Variants in SP4 observed in about 807,000 individuals in gnomAD.
The protein encoded by SP4 is transcription factor Sp4.
SP4 carries 19 observed loss-of-function variants against 72.8 expected under a neutral mutation model. The ratio of observed to expected loss-of-function variants is 0.26; its 90% confidence interval spans 0.18 to 0.38. The LOEUF (loss-of-function observed/expected upper bound fraction) is 0.38, where lower values mean the gene tolerates loss of function less well. Among genes scored for constraint, SP4 ranks in the 10% least tolerant of loss-of-function variants. The pLI, the probability that SP4 is intolerant of heterozygous loss-of-function variation, is 1.00. For synonymous variants in SP4, 395 were observed against 333.1 expected (o/e 1.19, Z -2.02); for missense variants, 1,008 against 926.3 (o/e 1.09, Z -1.14).
At chr7:21,428,857 T>C in intron 2 of SP4, 65 bp downstream of exon 2, 1 of 1,215,458 alleles carries the variant, frequency 8.2e-7, no homozygotes, top group Non-Finnish European at 1.2e-6. Flanking sequence ...GTTATGCCCT[T>C]TGAATGTCCA....
chr7:21,468,818 A>G (rs907463622), intron 3 of SP4, among the ~76,000 whole-genome samples: 3 of 152,122 alleles, frequency 2.0e-5, no homozygotes, highest in Non-Finnish European at 2.9e-5. Flanking sequence ...CACTTCTATT[A>G]GAAACTACAG....
At chr7:21,431,605 A>C (rs1239629986) in intron 3 of SP4, among the ~76,000 whole-genome samples, 2 of 152,240 alleles carry the variant, frequency 1.3e-5, no homozygotes, top group African/African-American at 4.8e-5. Flanking sequence ...GTTATTTTTA[A>C]ACCTATTGTA....
chr7:21,461,147 G>A (rs948257099), intron 3 of SP4, among the ~76,000 whole-genome samples: 4 of 152,232 alleles, frequency 2.6e-5, no homozygotes, highest in Admixed American at 6.5e-5. Context: ...AGTGGATTTC[G>A]CACCAGGGCT....
At chr7:21,458,227 C>G (rs1421737060) in intron 3 of SP4, among the ~76,000 whole-genome samples, 2 of 152,170 alleles carry the variant, frequency 1.3e-5, no homozygotes, top group African/African-American at 4.8e-5. Flanking sequence ...GAGTCTCACT[C>G]TGTTGCCCAG....
At chr7:21,435,308 T>C (rs1469959180) in intron 3 of SP4, among the ~76,000 whole-genome samples, 3 of 152,194 alleles carry the variant, frequency 2.0e-5, no homozygotes, top group Non-Finnish European at 4.4e-5. Flanking sequence ...CTAATTTCTT[T>C]ACTTCTCCAA....
At chr7:21,483,551 A>G (rs1275470097) in intron 5 of SP4, among the ~76,000 whole-genome samples, 1 of 151,912 alleles carries the variant, frequency 6.6e-6, no homozygotes, top group Non-Finnish European at 1.5e-5. Context: ...ATGGAATGAA[A>G]TGAGAATACA....
In SP4 at chr7:21,428,203, C is replaced by CCCCCCCACA; in HGVS notation, c.-49_-48insCCCCCCACA. 8.2e-7 allele frequency: 1 copy of CCCCCCCACA among 1,216,714 alleles called. No individual in the cohort carries two copies. The highest frequency in any genetic ancestry group is 2.8e-5 in the East Asian group (1 of 35,136). 75.4% of individuals were successfully genotyped at this position (1,216,714 alleles called of 1,614,324 possible). A position where few individuals can be genotyped will look rare whatever the true frequency, so the allele number is the denominator to read the frequency against. The stretch of plus-strand genomic sequence containing the variant: ...CTCCCGCCTCGCCCCCACCCCCACC[C>CCCCCCCACA]ACCTCTATCCCAGTGTCTCCGTCTG... On this transcript the variant is annotated 5_prime_UTR_variant, in exon 1 of 6. Transcript: ENST00000222584.
chr7:21,487,803 G>A (rs971281846), intron 5 of SP4, among the ~76,000 whole-genome samples: 8 of 151,880 alleles, frequency 5.3e-5, no homozygotes, highest in South Asian at 4.2e-4. Context: ...TGGTGGTCAT[G>A]GTGGTGATTT....
intron 5 of SP4, among the ~76,000 whole-genome samples, chr7:21,501,923 C>G (rs187037527): frequency 1.3e-5 from 2 of 151,678 alleles, no homozygotes; most frequent in Non-Finnish European, 2.9e-5. Flanking sequence ...ATCGATGAAT[C>G]TCTGTTGATT....
chr7:21,432,118 G>A (rs1437930372), intron 3 of SP4, among the ~76,000 whole-genome samples: 2 of 152,204 alleles, frequency 1.3e-5, no homozygotes, highest in Non-Finnish European at 2.9e-5. Context: ...AGTTAAATGT[G>A]TGTGGGGCAA....
At chr7:21,503,269 T>A (rs952151501) in intron 5 of SP4, among the ~76,000 whole-genome samples, 1 of 152,166 alleles carries the variant, frequency 6.6e-6, no homozygotes, top group African/African-American at 2.4e-5. Context: ...ATCCTTGGTT[T>A]CCATAGCCGG....
At chr7:21,436,945 G>A (rs1387457654) in intron 3 of SP4, among the ~76,000 whole-genome samples, 3 of 152,130 alleles carry the variant, frequency 2.0e-5, no homozygotes, top group Non-Finnish European at 4.4e-5. Flanking sequence ...CAAAGTGAGG[G>A]CTAGAATCTT....
At chr7:21,507,254 C>T (rs1336991040) in intron 5 of SP4, among the ~76,000 whole-genome samples, 6 of 152,188 alleles carry the variant, frequency 3.9e-5, no homozygotes, top group South Asian at 4.1e-4. Flanking sequence ...CTCTCCCTGT[C>T]CCATGGGAAC....
At chr7:21,505,253 C>A (rs1285137470) in intron 5 of SP4, among the ~76,000 whole-genome samples, 1 of 152,198 alleles carries the variant, frequency 6.6e-6, no homozygotes, top group Non-Finnish European at 1.5e-5. Flanking sequence ...TTATTCTTCA[C>A]ATCCCTTCAC....
At chr7:21,501,191 T>A (rs142099366) in intron 5 of SP4, among the ~76,000 whole-genome samples, 2 of 152,182 alleles carry the variant, frequency 1.3e-5, no homozygotes, top group African/African-American at 4.8e-5. Context: ...TCTTCGCTTT[T>A]ATGGGCTGAC....
chr7:21,446,294 A>G (rs1360000220), intron 3 of SP4, among the ~76,000 whole-genome samples: 1 of 152,216 alleles, frequency 6.6e-6, no homozygotes, highest in Non-Finnish European at 1.5e-5. Context: ...GTTGAAATCA[A>G]AGTACTTAGA....
intron 3 of SP4, among the ~76,000 whole-genome samples, chr7:21,433,203 G>A (rs148642588): frequency 6.6e-6 from 1 of 152,268 alleles, no homozygotes; most frequent in African/African-American, 2.4e-5. Context: ...AATAGGTGTG[G>A]TTATTCCTTC....
At chr7:21,441,828 CT>C (rs1438585166) in intron 3 of SP4, among the ~76,000 whole-genome samples, 1 of 152,134 alleles carries the variant, frequency 6.6e-6, no homozygotes, top group Admixed American at 6.5e-5. Flanking sequence ...TTGGTTTGTT[CT>C]TTTCCCCTGC....
intron 5 of SP4, among the ~76,000 whole-genome samples, chr7:21,506,249 G>A (rs1781996591): frequency 6.6e-6 from 1 of 152,132 alleles, no homozygotes; most frequent in South Asian, 2.1e-4. Flanking sequence ...AGGGAGGAGT[G>A]AGCTGCCCCA....
Sources: allele counts gnomAD v4.1 joint callset (sites outside exome capture counted in the v4.1 genomes callset), GRCh38; gene constraint gnomAD v4.1.1; transcripts MANE v1.5; gene names NCBI Gene and HGNC (gene_info 2026-07-23, HGNC 2026-07-21).